Variants in NINL observed in about 807,000 individuals in gnomAD.
NINL encodes the protein ninein-like protein.
NINL carries 153 observed loss-of-function variants against 160.3 expected under a neutral mutation model. The observed-to-expected ratio is 0.95, with a 90% CI of 0.84 to 1.09. The LOEUF (loss-of-function observed/expected upper bound fraction) is 1.09, where lower values mean the gene tolerates loss of function less well. Ranked by LOEUF, NINL falls within the 50% of genes least tolerant of loss-of-function variation. The pLI, the probability that NINL is intolerant of heterozygous loss-of-function variation, is 0.00. For synonymous variants in NINL, 800 were observed against 734.8 expected, an observed-to-expected ratio of 1.09 and a Z score of -1.43; for missense variants, 1,829 against 1,764.0, an observed-to-expected ratio of 1.04 and a Z score of -0.66.
chr20:25,470,218 C>T lies in NINL; in HGVS notation c.3249-123G>A, dbSNP rs114020662. 3,398 of 718,274 alleles carry T rather than the reference C, an allele frequency of 4.7e-3. 68 individuals are homozygous for T. In the African/African-American group the frequency reaches 0.053, roughly 11 times the overall value. 44.5% of individuals were successfully genotyped at this position (718,274 alleles called of 1,614,324 possible). On this transcript the variant is annotated intron_variant, in intron 17 of 23. Coordinates refer to ENST00000278886, the MANE Select transcript of NINL (RefSeq NM_025176.6). ...CCCATCTCCCCGTCCCTGGAGGTGGCGCCAGACACCATTCCTTTCCCTCTT... is the reference window on the plus strand; with the variant it reads ...CCCATCTCCCCGTCCCTGGAGGTGGTGCCAGACACCATTCCTTTCCCTCTT...
At chr20:25,486,211 T>A (rs1350720133) in intron 13 of NINL, among the ~76,000 whole-genome samples, 1 of 152,222 alleles carries the variant, frequency 6.6e-6, no homozygotes, top group African/African-American at 2.4e-5. Context: ...ATAAAAAGTT[T>A]TTAAATATTC....
At chr20:25,581,031 G>T (rs1323896190) in intron 1 of NINL, among the ~76,000 whole-genome samples, 1 of 152,242 alleles carries the variant, frequency 6.6e-6, no homozygotes. Flanking sequence ...CAGCTAGGAA[G>T]CCATGCCAGT....
At chr20:25,584,509 G>C (rs1246449742) in intron 1 of NINL, among the ~76,000 whole-genome samples, 1 of 152,206 alleles carries the variant, frequency 6.6e-6, no homozygotes, top group African/African-American at 2.4e-5. Context: ...CAAAAACTCT[G>C]CTTTTAAAAG....
intron 1 of NINL, among the ~76,000 whole-genome samples, chr20:25,574,336 G>A (rs2065090502): frequency 1.3e-5 from 2 of 151,712 alleles, no homozygotes; most frequent in African/African-American, 4.8e-5. Context: ...CTGGGCAAGG[G>A]CCTTGTGCCC....
chr20:25,475,951 G>C, intron 17 of NINL, 92 bp downstream of exon 17: 1 of 1,335,498 alleles, frequency 7.5e-7, no homozygotes, highest in Non-Finnish European at 1.0e-6. Context: ...GGCAGGAAGG[G>C]CCACATAGCA....
chr20:25,489,239 C>T lies in NINL; in HGVS notation c.1677+5G>A, dbSNP rs766758613. 6.2e-6 allele frequency: 10 copies of T among 1,613,870 alleles called. No homozygotes were observed. Among genetic ancestry groups the T allele is most frequent in the South Asian group, 2.2e-5 (2 of 91,072 alleles). On this transcript the variant is annotated splice_donor_5th_base_variant and intron_variant, in intron 13 of 23. Coordinates refer to ENST00000278886, the MANE Select transcript of NINL (RefSeq NM_025176.6). ...GACTAAAAGGCAGACAGAGCAGGCA[C>T]GTACCCGGCACTTGAGCTCGTATTC... is the stretch of plus-strand genomic sequence containing the variant.
chr20:25,479,147 C>A lies in NINL; in HGVS notation c.1977G>T (p.Lys659Asn), dbSNP rs2063332791. ...CGCGCCTGCGAGCCTGCTCCATGTC[C>A]TTCCTCTCCTTCTCAAAGTTCCTTT... ...ALKRNFEKER[K>N]DMEQARRREV... The change falls in exon 16 of 24, where the codon AAG (lysine) becomes AAT (asparagine). Residue 659 changes from lysine (K) to asparagine (N), a missense_variant. Coordinates refer to ENST00000278886, the MANE Select transcript of NINL (RefSeq NM_025176.6). The A allele has an allele frequency of 1.9e-6, 3 of 1,612,480 alleles. No homozygotes were observed.
At chr20:25,571,797 G>A (rs1295436406) in intron 1 of NINL, among the ~76,000 whole-genome samples, 2 of 149,862 alleles carry the variant, frequency 1.3e-5, no homozygotes, top group Non-Finnish European at 1.5e-5. Flanking sequence ...AATCCTGGGA[G>A]GCAAAGGTTG....
intron 9 of NINL, 68 bp downstream of exon 9, chr20:25,498,142 C>G: frequency 6.3e-7 from 1 of 1,583,452 alleles, no homozygotes; most frequent in Non-Finnish European, 8.6e-7. Flanking sequence ...CTTTGTGTCC[C>G]AGACCCCCCT....
intron 7 of NINL, among the ~76,000 whole-genome samples, chr20:25,501,993 T>C (rs918287814): frequency 2.6e-4 from 39 of 152,154 alleles, no homozygotes; most frequent in African/African-American, 9.4e-4. Flanking sequence ...AATTTATTTA[T>C]TTATTTGAGC....
At chr20:25,563,991 AGAG>A (rs2064972898) in intron 1 of NINL, among the ~76,000 whole-genome samples, 1 of 152,158 alleles carries the variant, frequency 6.6e-6, no homozygotes, top group Non-Finnish European at 1.5e-5. Context: ...GACCACGGCA[AGAG>A]GATTGCTTTA....
At chr20:25,504,676 G>A (rs1056184704) in intron 6 of NINL, among the ~76,000 whole-genome samples, 2 of 152,226 alleles carry the variant, frequency 1.3e-5, no homozygotes, top group Non-Finnish European at 1.5e-5. Flanking sequence ...GCAGGGAGTC[G>A]GTGAGACTGG....
chr20:25,573,038 T>C (rs1226244422), intron 1 of NINL, among the ~76,000 whole-genome samples: 1 of 152,182 alleles, frequency 6.6e-6, no homozygotes, highest in African/African-American at 2.4e-5. Context: ...GGCTCACACC[T>C]GTAATCTCAG....
At chr20:25,499,135 T>C in intron 8 of NINL, 1 of 985,366 alleles carries the variant, frequency 1.0e-6, no homozygotes, top group Non-Finnish European at 1.2e-6. Flanking sequence ...TCCTGTGAAG[T>C]AGGGGCTGAC....
rs765272376 is a variant in NINL, at chr20:25,480,184, G to C, written c.1894C>G (p.Leu632Val). Residue 632 changes from leucine (L) to valine (V), a missense_variant, in exon 15 of 24, where the codon CTC becomes GTC. Coordinates refer to ENST00000278886, the MANE Select transcript of NINL (RefSeq NM_025176.6). The stretch of plus-strand genomic sequence containing the variant: ...ACCTTGGTCTCCAGCTGGGTCCTGA[G>C]GTCTTGGTAATGCTCCTTTACCTGC... ...MEQVKEHYQD[L>V]RTQLETKVNY... The C allele has an allele frequency of 6.2e-7, 1 of 1,613,850 alleles. No individual in the cohort carries two copies. Among genetic ancestry groups the C allele is most frequent in the Non-Finnish European group, 8.5e-7 (1 of 1,179,948 alleles).
rs762465529 is a variant in NINL at position 25,455,685 on chromosome 20, C to T, written c.3945G>A (p.Lys1315=). 2.5e-6 allele frequency: 4 copies of T among 1,613,462 alleles called. No individual in the cohort carries two copies. The African/African-American group carries it at 4.0e-5, about 16-fold the overall frequency. ...GCCCATCACTCACCTGCTCCTTCAG[C>T]TTATCCACTTTCTCTTGGAGGAGCA... The part of the protein sequence containing the change: ...MEMLLQEKVD[K]LKEQFEKNTK... Residue 1315 remains lysine, a synonymous_variant, in exon 23 of 24, where the codon AAG becomes AAA. Transcript: ENST00000278886.
chr20:25,489,450 T>C (rs1466972197), intron 12 of NINL, 126 bp from the exon 13 acceptor site: 5 of 745,678 alleles, frequency 6.7e-6, no homozygotes, highest in East Asian at 5.2e-5. Flanking sequence ...TCTCCAGGTA[T>C]AGCCGCCATC....
chr20:25,519,520 C>A (rs2064224616), intron 2 of NINL, among the ~76,000 whole-genome samples: 1 of 151,964 alleles, frequency 6.6e-6, no homozygotes. Flanking sequence ...TACATTAATT[C>A]TTTTTTTACA....
At chr20:25,499,469 C>G (rs390123) in intron 8 of NINL, among the ~76,000 whole-genome samples, 87,081 of 152,116 alleles carry the variant, frequency 0.57, 26,460 homozygotes, top group East Asian at 0.98. Context: ...TCAGAGCCAG[C>G]GCACAGCAGC....
Sources: gnomAD v4.1 joint callset for allele counts (sites outside exome capture counted in the v4.1 genomes callset) on GRCh38, gnomAD v4.1.1 for gene constraint, MANE v1.5 for transcripts, NCBI Gene and HGNC (gene_info 2026-07-23, HGNC 2026-07-21) for gene names.